The following RIMS1 variants were observed in gnomAD, a reference collection of about 807,000 sequenced individuals.
RIMS1 encodes the protein regulating synaptic membrane exocytosis protein 1.
RIMS1 carries 83 observed loss-of-function variants against 214.1 expected under a neutral mutation model. The ratio of observed to expected loss-of-function variants is 0.39; its 90% CI spans 0.32 to 0.47. RIMS1 has a LOEUF of 0.47. RIMS1 is among the 20% of genes least tolerant of loss of function. The pLI, the probability that RIMS1 is intolerant of heterozygous loss-of-function variation, is 0.99. For synonymous variants in RIMS1, 793 were observed against 786.8 expected, an observed-to-expected ratio of 1.01 and a Z score of -0.13; for missense variants, 2,050 against 2,161.8, an observed-to-expected ratio of 0.95 and a Z score of 1.03.
intron 2 of RIMS1, among the ~76,000 whole-genome samples, chr6:72,001,518 T>C (rs1234144836): frequency 1.3e-5 from 2 of 152,122 alleles, no homozygotes; most frequent in Non-Finnish European, 1.5e-5. Context: ...CCCTGCCCCA[T>C]ATACACCTGA....
chr6:72,025,925 A>G (rs552006851), intron 2 of RIMS1, among the ~76,000 whole-genome samples: 12 of 152,326 alleles, frequency 7.9e-5, no homozygotes, highest in Non-Finnish European at 1.6e-4. Flanking sequence ...TCATCCTTCT[A>G]CAGATGGATC....
At chr6:72,012,426 A>C (rs907896580) in intron 2 of RIMS1, among the ~76,000 whole-genome samples, 1 of 152,214 alleles carries the variant, frequency 6.6e-6, no homozygotes, top group Non-Finnish European at 1.5e-5. Flanking sequence ...ACATGTATAC[A>C]TATGTAACAA....
intron 4 of RIMS1, among the ~76,000 whole-genome samples, chr6:72,177,345 G>A (rs62408097): frequency 0.28 from 43,286 of 152,008 alleles, 7,088 homozygotes; most frequent in Non-Finnish European, 0.37. Flanking sequence ...TCTGCCTTCC[G>A]GGTTCAAGTG....
intron 6 of RIMS1, among the ~76,000 whole-genome samples, chr6:72,227,861 A>G (rs2060684805): frequency 6.6e-6 from 1 of 152,026 alleles, no homozygotes; most frequent in Admixed American, 6.6e-5. Context: ...TACCTGAATT[A>G]TCAAAGTTAC....
chr6:72,024,006 G>A (rs1442727166), intron 2 of RIMS1, among the ~76,000 whole-genome samples: 1 of 152,044 alleles, frequency 6.6e-6, no homozygotes, highest in South Asian at 2.1e-4. Flanking sequence ...TCTTAATGAG[G>A]TGAAACTACA....
Position 72,087,316 on chromosome 6 carries a change from C to T in RIMS1, c.246-9633C>T, listed in dbSNP as rs1435449918. Among the ~76,000 whole-genome samples the T allele has an allele frequency of 2.0e-5, 3 of 152,136 alleles. No individual in the cohort carries two copies. In the South Asian group the frequency reaches 6.2e-4, roughly 32 times the overall value. ...AATGCAGTATTTTTTATAACTTTAA[C>T]TGAAGAAAAATTAGTGCCCTTCACA... is the stretch of plus-strand genomic sequence containing the variant. On this transcript the variant is annotated intron_variant, in intron 2 of 33. Coordinates refer to ENST00000521978, the MANE Select transcript of RIMS1 (RefSeq NM_014989.7).
At chr6:72,267,497 A>T (rs1326331101) in intron 22 of RIMS1, among the ~76,000 whole-genome samples, 1 of 152,194 alleles carries the variant, frequency 6.6e-6, no homozygotes, top group Non-Finnish European at 1.5e-5. Flanking sequence ...TTAACCCTGT[A>T]TATTCAAAAT....
chr6:71,903,336 T>G (rs1374550308), intron 1 of RIMS1, among the ~76,000 whole-genome samples: 1 of 152,138 alleles, frequency 6.6e-6, no homozygotes, highest in East Asian at 1.9e-4. Context: ...TCTTTAAAAG[T>G]GTCTGTTCAT....
At chr6:71,990,016 T>C (rs1458728954) in intron 2 of RIMS1, among the ~76,000 whole-genome samples, 1 of 152,152 alleles carries the variant, frequency 6.6e-6, no homozygotes, top group Non-Finnish European at 1.5e-5. Flanking sequence ...AGCCCCCAGG[T>C]CTCTCATGGA....
chr6:72,066,849 A>G (rs1829421907), intron 2 of RIMS1, among the ~76,000 whole-genome samples: 1 of 152,090 alleles, frequency 6.6e-6, no homozygotes, highest in Admixed American at 6.5e-5. Flanking sequence ...AATTTTCATA[A>G]TTTACCTAAT....
At chr6:71,936,725 A>G (rs1784573267) in intron 1 of RIMS1, among the ~76,000 whole-genome samples, 1 of 152,212 alleles carries the variant, frequency 6.6e-6, no homozygotes, top group African/African-American at 2.4e-5. Flanking sequence ...GGGGAATAAA[A>G]TGCCTTCTGG....
intron 2 of RIMS1, among the ~76,000 whole-genome samples, chr6:71,990,977 A>G (rs1414775448): frequency 1.3e-5 from 2 of 152,330 alleles, no homozygotes; most frequent in Non-Finnish European, 2.9e-5. Flanking sequence ...GTCACATCTA[A>G]GAAGGCATAT....
intron 1 of RIMS1, among the ~76,000 whole-genome samples, chr6:71,950,072 C>A (rs1788988850): frequency 1.3e-5 from 2 of 152,030 alleles, no homozygotes; most frequent in South Asian, 4.1e-4. Flanking sequence ...GCAAATAAAT[C>A]TCAAAAAATT....
chr6:72,354,672 T>A (rs1246664506), intron 29 of RIMS1, among the ~76,000 whole-genome samples: 1 of 152,212 alleles, frequency 6.6e-6, no homozygotes, highest in Non-Finnish European at 1.5e-5. Context: ...CTAGTACTGT[T>A]TTGCTATGTA....
At position 72,398,272 on chromosome 6, in the gene RIMS1, G is replaced by A; in HGVS notation, c.4642G>A (p.Asp1548Asn). The change falls in exon 32 of 34, where the codon GAC becomes AAC. Residue 1548 changes from aspartate to asparagine, a missense_variant. Physicochemically the swap from Asp to Asn is conservative, Grantham distance 23. Around this residue, in one of 6 missense-constraint regions of RIMS1, gnomAD observed 121 missense variants for 187.3 expected, o/e 0.65. Coordinates refer to ENST00000521978, the MANE Select transcript of RIMS1 (RefSeq NM_014989.7). ...AMGDIQIGME[D>N]KKGQLEVEVI... ...AGGTGATATACAAATAGGAATGGAGGACAAAAAGGGCCAATTAGAAGTGGA... is the reference window on the plus strand; with the variant it reads ...AGGTGATATACAAATAGGAATGGAGAACAAAAAGGGCCAATTAGAAGTGGA... The A allele has an allele frequency of 1.9e-6, 3 of 1,607,390 alleles. No homozygotes were observed. Among genetic ancestry groups the A allele is most frequent in the Non-Finnish European group, 2.5e-6 (3 of 1,176,692 alleles).
chr6:72,265,513 T>C lies in RIMS1; in HGVS notation c.3308+10T>C, dbSNP rs1398467193. 8 of 1,444,190 alleles carry C rather than the reference T, an allele frequency of 5.5e-6. No individual in the cohort carries two copies. Among genetic ancestry groups the C allele is most frequent in the Non-Finnish European group, 7.7e-6 (8 of 1,032,462 alleles). The allele number at this position is 1,444,190 out of a possible 1,614,324, so 89.5% of individuals were successfully genotyped here. A position where few individuals can be genotyped will look rare whatever the true frequency, so the allele number is the denominator to read the frequency against. The stretch of plus-strand genomic sequence containing the variant: ...ATGAAATACTGGTTAGGTAAGAACA[T>C]TTGGAAGTGATATCTTCCGTTTCCC... On this transcript the variant is annotated intron_variant, in intron 21 of 33. Transcript: ENST00000521978.
chr6:71,996,718 G>A (rs2151676538), intron 2 of RIMS1, among the ~76,000 whole-genome samples: 1 of 152,232 alleles, frequency 6.6e-6, no homozygotes, highest in South Asian at 2.1e-4. Flanking sequence ...GGTTCTTCCT[G>A]GCACAACCTC....
Position 72,037,945 on chromosome 6 carries a change from G to A in RIMS1, c.246-59004G>A, listed in dbSNP as rs751055910. ...GCATATATGTCCTGAACTGCACCTC[G>A]AGTTGCTCATTTCTTAAGATATCTG... On this transcript the variant is annotated intron_variant, in intron 2 of 33. Coordinates refer to ENST00000521978, the MANE Select transcript of RIMS1 (RefSeq NM_014989.7). 4.0e-5 allele frequency among the ~76,000 whole-genome samples: 6 copies of A among 150,692 alleles called. No homozygotes were observed. In the Admixed American group the frequency reaches 4.0e-4, roughly 10 times the overall value.
chr6:72,346,238 G>A (rs1193383040), intron 29 of RIMS1, among the ~76,000 whole-genome samples: 1 of 151,778 alleles, frequency 6.6e-6, no homozygotes, highest in African/African-American at 2.4e-5. Flanking sequence ...ACAAGGGTAA[G>A]TAGATAAAGA....
Sources: gnomAD v4.1 joint callset for allele counts (sites outside exome capture counted in the v4.1 genomes callset) on GRCh38, gnomAD v4.1.1 for gene constraint, gnomAD v4.1.1 regional missense constraint, MANE v1.5 for transcripts, NCBI Gene and HGNC (gene_info 2026-07-23, HGNC 2026-07-21) for gene names.